ASB10: variants seen among roughly 807,000 people sequenced by gnomAD.
ASB10 encodes the protein ankyrin repeat and SOCS box containing 10.
In ASB10, 44 loss-of-function variants were observed where a neutral mutation model predicts 35.4. The ratio of observed to expected loss-of-function variants is 1.24; its 90% CI spans 0.98 to 1.60. The LOEUF is 1.60. Ranked by LOEUF, ASB10 falls within the 40% of genes most tolerant of loss-of-function variation. The pLI, the probability that ASB10 is intolerant of heterozygous loss-of-function variation, is 0.00. For synonymous variants in ASB10, 294 were observed against 280.4 expected, an observed-to-expected ratio of 1.05 and a Z score of -0.49; for missense variants, 647 against 634.3, an observed-to-expected ratio of 1.02 and a Z score of -0.22.
intron 2 of ASB10, among the ~76,000 whole-genome samples, chr7:151,183,142 TTTC>T (rs201773570): frequency 9.2e-5 from 14 of 152,270 alleles, no homozygotes; most frequent in Admixed American, 3.3e-4. Flanking sequence ...CTTGCCTTTT[TTTC>T]TTCTTCTTCT....
chr7:151,186,098 A>C (rs1279669052), intron 2 of ASB10, among the ~76,000 whole-genome samples: 1 of 152,042 alleles, frequency 6.6e-6, no homozygotes, highest in East Asian at 1.9e-4. Context: ...ATTTTAAGCA[A>C]CACCACCTCC....
intron 4 of ASB10, 66 bp downstream of exon 4, chr7:151,176,497 G>A (rs898302033): frequency 3.6e-5 from 54 of 1,499,686 alleles, no homozygotes; most frequent in Non-Finnish European, 4.8e-5. Flanking sequence ...GGGGGGCTGC[G>A]GTTTAGCGGG....
chr7:151,187,321 C>T, upstream of ASB10: 1 of 1,516,258 alleles, frequency 6.6e-7, no homozygotes, highest in Non-Finnish European at 8.9e-7. This position sits in a 1 kb window ranked among gnomAD's most constrained non-coding sequence, Gnocchi z 5.3. Flanking sequence ...AAGGTGTAGG[C>T]TATTGGGCAA....
intron 1 of ASB10, 29 bp downstream of exon 1, chr7:151,186,786 C>T (rs372451622): frequency 1.3e-5 from 20 of 1,551,318 alleles, no homozygotes; most frequent in Non-Finnish European, 1.7e-5. Flanking sequence ...CTCTCTCCCA[C>T]TGAGAGCCCC....
chr7:151,180,838 T>C, intron 3 of ASB10, 101 bp downstream of exon 3: 1 of 1,409,286 alleles, frequency 7.1e-7, no homozygotes, highest in Non-Finnish European at 9.2e-7. Flanking sequence ...AAGGAACCAA[T>C]CTATGTGCAC....
intron 3 of ASB10, 43 bp downstream of exon 3, chr7:151,180,896 C>G (rs370383295): frequency 6.2e-4 from 891 of 1,446,234 alleles, no homozygotes; most frequent in Non-Finnish European, 7.6e-4. Context: ...GTCTCCCTGT[C>G]CCCTCACCAT....
intron 2 of ASB10, among the ~76,000 whole-genome samples, chr7:151,184,690 C>T (rs1029869482): frequency 3.3e-5 from 5 of 152,098 alleles, no homozygotes; most frequent in Admixed American, 3.3e-4. Context: ...TGAACAACAA[C>T]ATGAATGTGC....
upstream of ASB10, chr7:151,187,506 C>G: frequency 6.4e-7 from 1 of 1,551,346 alleles, no homozygotes; most frequent in South Asian, 1.2e-5. The surrounding 1 kb of genome is among the most constrained non-coding windows in gnomAD (Gnocchi z 5.3). Flanking sequence ...AGCAGCAGGT[C>G]GGCTGTGCTG....
At chr7:151,176,772 A>G (rs1001431742) in intron 3 of ASB10, 96 bp from the exon 4 acceptor site, 5 of 867,656 alleles carry the variant, frequency 5.8e-6, no homozygotes, top group Non-Finnish European at 9.1e-6. Context: ...TGTTCCCCAA[A>G]AGATATATTG....
In ASB10 at chr7:151,186,824, G is replaced by C. The variant is rs755804051; in HGVS notation, c.307C>G (p.Arg103Gly). Reference protein sequence around the residue: ...ERWRDFRFNIRALRLWSLTYE... With the variant: ...ERWRDFRFNIGALRLWSLTYE... Reference sequence around the variant, plus strand: ...GTGCCCCGGCCCGTACTCAGAGCACGGATGTTGAAGCGGAAATCCCTCCAT... The same window carrying C: ...GTGCCCCGGCCCGTACTCAGAGCACCGATGTTGAAGCGGAAATCCCTCCAT... Residue 103 changes from arginine (R) to glycine (G), a missense_variant, in exon 1 of 6, where the codon CGT (arginine) becomes GGT (glycine). Coordinates refer to ENST00000420175, the MANE Select transcript of ASB10 (RefSeq NM_001142459.2). 2.5e-6 allele frequency: 4 copies of C among 1,597,436 alleles called. No homozygotes were observed. Among genetic ancestry groups the C allele is most frequent in the Non-Finnish European group, 2.6e-6 (3 of 1,169,084 alleles).
rs767192144 is a variant in ASB10 at position 151,180,929 on chromosome 7, G to A, written c.1104+10C>T. 5 of 1,499,432 alleles carry A rather than the reference G, an allele frequency of 3.3e-6. No homozygotes were observed. The highest frequency in any genetic ancestry group is 4.5e-6 in the Non-Finnish European group (5 of 1,123,326). The allele number at this position is 1,499,432 out of a possible 1,614,324, so 92.9% of individuals were successfully genotyped here. A position where few individuals can be genotyped will look rare whatever the true frequency, so the allele number is the denominator to read the frequency against. On this transcript the variant is annotated intron_variant, in intron 3 of 5. Coordinates refer to ENST00000420175, the MANE Select transcript of ASB10 (RefSeq NM_001142459.2). ...CATGGTGGCCCTCCTGCTGCCTGCA[G>A]CCCCCATACCTTGGGGAGGGCCCCT... is the stretch of plus-strand genomic sequence containing the variant.
upstream of ASB10, chr7:151,187,294 G>T: frequency 6.6e-7 from 1 of 1,508,014 alleles, no homozygotes; most frequent in Non-Finnish European, 8.9e-7. This position sits in a 1 kb window ranked among gnomAD's most constrained non-coding sequence, Gnocchi z 5.3. Context: ...GGCTCCACAT[G>T]ACTGTGTTCT....
rs751034222 is a variant in ASB10, at chr7:151,176,313, G to A, written c.1219-16C>T. ...GCTGATGTTTCTGGGGGCAGAACAAGGGGCTCAGTGAGAGGCAGCCTCAGA... is the reference window on the plus strand; with the variant it reads ...GCTGATGTTTCTGGGGGCAGAACAAAGGGCTCAGTGAGAGGCAGCCTCAGA... On this transcript the variant is annotated splice_polypyrimidine_tract_variant and intron_variant, in intron 4 of 5. Transcript: ENST00000420175. 3.6e-5 allele frequency: 55 copies of A among 1,529,974 alleles called. 1 individual carries two copies. The highest frequency in any genetic ancestry group is 4.1e-5 in the Admixed American group (2 of 48,942). 94.8% of individuals were successfully genotyped at this position (1,529,974 alleles called of 1,614,324 possible). A position where few individuals can be genotyped will look rare whatever the true frequency, so the allele number is the denominator to read the frequency against.
chr7:151,181,445 G>C lies in ASB10; in HGVS notation c.598C>G (p.Leu200Val). The change falls in exon 3 of 6, where the codon CTC becomes GTC. Residue 200 changes from leucine to valine, a missense_variant. Coordinates refer to ENST00000420175, the MANE Select transcript of ASB10 (RefSeq NM_001142459.2). ...GPGTLECAEL[L>V]LRFGARVDGR... ...TCCACTCTCGCTCCAAACCTGAGGA[G>C]CAGCTCCGCACACCTATTGGGGGGA... The C allele has an allele frequency of 6.3e-7, 1 of 1,595,934 alleles. No homozygotes were observed. Among genetic ancestry groups the C allele is most frequent in the African/African-American group, 1.3e-5 (1 of 74,784 alleles).
chr7:151,186,180 C>G (rs995183534), intron 2 of ASB10, among the ~76,000 whole-genome samples: 38 of 152,224 alleles, frequency 2.5e-4, no homozygotes, highest in Non-Finnish European at 4.3e-4. Context: ...CCCTCCACCC[C>G]TGGGAGACCA....
At chr7:151,187,455 T>G, upstream of ASB10, 2 of 1,551,232 alleles carry the variant, frequency 1.3e-6, no homozygotes, top group Non-Finnish European at 1.7e-6. The surrounding 1 kb of genome is among the most constrained non-coding windows in gnomAD (Gnocchi z 5.3). Flanking sequence ...CCCTCACCCC[T>G]CTGGTGGCTG....
At chr7:151,176,972 G>A (rs970659623) in intron 3 of ASB10, among the ~76,000 whole-genome samples, 1 of 152,226 alleles carries the variant, frequency 6.6e-6, no homozygotes, top group Non-Finnish European at 1.5e-5. Flanking sequence ...AAGGCAGACA[G>A]TGGAGTGGAG....
chr7:151,176,167 A>G lies in ASB10; in HGVS notation c.1349T>C (p.Leu450Pro). ...SLPQALPRLP[L>P]PPRLLRYLQL... The stretch of plus-strand genomic sequence containing the variant: ...CAGGTAGCGGAGCAGGCGCGGTGGC[A>G]GGGGGAGGCGGGGCAGCGCTTGGGG... Residue 450 changes from leucine to proline, a missense_variant, in exon 5 of 6, where the codon CTG (leucine) becomes CCG (proline). Physicochemically the swap from Leu to Pro is moderately conservative, Grantham distance 98 (BLOSUM62 -3). Transcript: ENST00000420175. The G allele has an allele frequency of 5.6e-6, 9 of 1,611,786 alleles. No homozygotes were observed. The highest frequency in any genetic ancestry group is 7.6e-6 in the Non-Finnish European group (9 of 1,179,808).
intron 3 of ASB10, among the ~76,000 whole-genome samples, chr7:151,179,997 G>T (rs1025309016): frequency 1.3e-5 from 2 of 152,222 alleles, no homozygotes; most frequent in African/African-American, 4.8e-5. Context: ...CCAGACAGAT[G>T]CTTCTAGGTT....
Sources: gnomAD v4.1 joint callset for allele counts (sites outside exome capture counted in the v4.1 genomes callset) on GRCh38, gnomAD v4.1.1 for gene constraint, Gnocchi (gnomAD v3.1) non-coding constraint, MANE v1.5 for transcripts, NCBI Gene and HGNC (gene_info 2026-07-23, HGNC 2026-07-21) for gene names.